Variants in CLSTN2 observed in about 807,000 individuals in gnomAD.
CLSTN2 encodes the protein calsyntenin-2.
In CLSTN2, 48 loss-of-function variants were observed where a neutral mutation model predicts 101.2. The observed-to-expected ratio is 0.47, with a 90% CI of 0.38 to 0.60. The LOEUF (loss-of-function observed/expected upper bound fraction) is 0.60. CLSTN2 is among the 20% of genes least tolerant of loss of function. The pLI is 0.00. For synonymous variants in CLSTN2, 481 were observed against 463.6 expected (o/e 1.04, Z -0.48); for missense variants, 1,160 against 1,238.2 (o/e 0.94, Z 0.95).
intron 5 of CLSTN2, among the ~76,000 whole-genome samples, chr3:140,433,772 A>G (rs28655430): frequency 0.026 from 3,934 of 152,300 alleles, 199 homozygotes; most frequent in African/African-American, 0.088. Flanking sequence ...AATTCTAGCA[A>G]TGAGGAAAGT....
chr3:140,212,233 A>G (rs1462813414), intron 2 of CLSTN2, among the ~76,000 whole-genome samples: 1 of 152,220 alleles, frequency 6.6e-6, no homozygotes, highest in Non-Finnish European at 1.5e-5. Context: ...ATAATTTTTA[A>G]CAAAGATTTA....
intron 1 of CLSTN2, among the ~76,000 whole-genome samples, chr3:139,955,224 G>C (rs1221678034): frequency 6.7e-6 from 1 of 149,498 alleles, no homozygotes; most frequent in African/African-American, 2.5e-5. Context: ...CATTGTGTGT[G>C]AATAGTGTAT....
At chr3:140,066,456 A>G (rs905105572) in intron 1 of CLSTN2, among the ~76,000 whole-genome samples, 5 of 152,228 alleles carry the variant, frequency 3.3e-5, no homozygotes, top group Non-Finnish European at 5.9e-5. Context: ...AAAGAAGACA[A>G]GTGGCTTTAT....
At chr3:140,021,201 T>C (rs1269587413) in intron 1 of CLSTN2, among the ~76,000 whole-genome samples, 1 of 152,150 alleles carries the variant, frequency 6.6e-6, no homozygotes, top group African/African-American at 2.4e-5. Context: ...CCCATCCTCC[T>C]AAGTGCCGTG....
At chr3:140,128,708 T>C (rs114704779) in intron 1 of CLSTN2, among the ~76,000 whole-genome samples, 1,636 of 152,190 alleles carry the variant, frequency 0.011, 33 homozygotes, top group African/African-American at 0.037. Context: ...CCAATTCCTC[T>C]CTCCTCTTCC....
At chr3:140,319,595 A>G (rs1161912477) in intron 2 of CLSTN2, among the ~76,000 whole-genome samples, 1 of 152,176 alleles carries the variant, frequency 6.6e-6, no homozygotes, top group Non-Finnish European at 1.5e-5. Flanking sequence ...ACAAATCAGG[A>G]TCTAATTAGG....
intron 2 of CLSTN2, among the ~76,000 whole-genome samples, chr3:140,181,428 G>A (rs2010406707): frequency 6.6e-6 from 1 of 152,094 alleles, no homozygotes; most frequent in Non-Finnish European, 1.5e-5. Flanking sequence ...TATAATCTGT[G>A]ATTTTTTTTA....
At chr3:140,536,851 A>G (rs349543) in intron 9 of CLSTN2, among the ~76,000 whole-genome samples, 32,041 of 152,190 alleles carry the variant, frequency 0.21, 5,932 homozygotes, top group African/African-American at 0.47. Context: ...TGAACCAGAA[A>G]GAGTGGAATC....
intron 1 of CLSTN2, among the ~76,000 whole-genome samples, chr3:140,077,759 C>T (rs2107779674): frequency 6.6e-6 from 1 of 152,140 alleles, no homozygotes; most frequent in East Asian, 1.9e-4. Flanking sequence ...GCTCACTGCC[C>T]ACAAAGCTCT....
chr3:140,322,584 G>T (rs1275463136), intron 2 of CLSTN2, among the ~76,000 whole-genome samples: 1 of 152,194 alleles, frequency 6.6e-6, no homozygotes, highest in Non-Finnish European at 1.5e-5. Flanking sequence ...TTTAGAATAA[G>T]CCATTTGCTT....
chr3:140,044,758 G>A (rs7433787), intron 1 of CLSTN2, among the ~76,000 whole-genome samples: 20,085 of 152,056 alleles, frequency 0.13, 1,396 homozygotes, highest in African/African-American at 0.15. Flanking sequence ...GAATTTTGTC[G>A]AAGGCCTTTT....
chr3:140,396,715 T>A (rs2107974182), intron 2 of CLSTN2, among the ~76,000 whole-genome samples: 1 of 152,298 alleles, frequency 6.6e-6, no homozygotes, highest in South Asian at 2.1e-4. Context: ...CCCCCAACAA[T>A]TTATTATGTG....
chr3:140,369,983 T>C (rs1330300829), intron 2 of CLSTN2, among the ~76,000 whole-genome samples: 1 of 152,232 alleles, frequency 6.6e-6, no homozygotes, highest in Non-Finnish European at 1.5e-5. Flanking sequence ...TTCTTTCCAT[T>C]GGGTTGTGGG....
chr3:140,245,527 T>C (rs558374749), intron 2 of CLSTN2, among the ~76,000 whole-genome samples: 3 of 152,276 alleles, frequency 2.0e-5, no homozygotes, highest in Admixed American at 6.5e-5. Context: ...TTAACCTAGA[T>C]GATGACTAAA....
At chr3:140,122,857 C>T (rs2009366274) in intron 1 of CLSTN2, among the ~76,000 whole-genome samples, 1 of 152,106 alleles carries the variant, frequency 6.6e-6, no homozygotes, top group Non-Finnish European at 1.5e-5. Flanking sequence ...TTTTATAATA[C>T]TTCGTAAAGC....
intron 1 of CLSTN2, among the ~76,000 whole-genome samples, chr3:140,044,663 G>C (rs1318592523): frequency 6.6e-6 from 1 of 152,062 alleles, no homozygotes; most frequent in Non-Finnish European, 1.5e-5. Flanking sequence ...ATTGGCTGTG[G>C]GTTTGTCATA....
At chr3:140,149,646 A>G (rs975125078) in intron 1 of CLSTN2, among the ~76,000 whole-genome samples, 3 of 152,006 alleles carry the variant, frequency 2.0e-5, no homozygotes, top group African/African-American at 7.2e-5. Context: ...TTTACTAGAG[A>G]CAGGGTTCCA....
At chr3:140,130,366 A>T (rs559365112) in intron 1 of CLSTN2, among the ~76,000 whole-genome samples, 2 of 152,290 alleles carry the variant, frequency 1.3e-5, no homozygotes, top group South Asian at 4.2e-4. Flanking sequence ...TAGCTTAAGA[A>T]CATGTTATGG....
intron 2 of CLSTN2, among the ~76,000 whole-genome samples, chr3:140,198,642 A>C (rs2010679019): frequency 6.6e-6 from 1 of 152,228 alleles, no homozygotes; most frequent in Non-Finnish European, 1.5e-5. Flanking sequence ...AATCCTGTAA[A>C]GAAGGGGTCA....
Sources: gnomAD v4.1 joint callset for allele counts (sites outside exome capture counted in the v4.1 genomes callset) on GRCh38, gnomAD v4.1.1 for gene constraint, MANE v1.5 for transcripts, NCBI Gene and HGNC (gene_info 2026-07-23, HGNC 2026-07-21) for gene names.